The following MET variants were observed in gnomAD, a reference collection of about 807,000 sequenced individuals.
MET encodes MET proto-oncogene, receptor tyrosine kinase, also known as hepatocyte growth factor receptor.
Under a neutral mutation model 133.1 loss-of-function variants are expected in MET, and 48 were observed. The observed-to-expected ratio is 0.36, with a 90% CI of 0.29 to 0.46. The LOEUF is 0.46. MET is among the 20% of genes least tolerant of loss of function. The pLI is 1.00. For missense variants in MET, 1,442 were observed against 1,695.9 expected (o/e 0.85, Z 2.63); for synonymous variants, 628 against 616.5 (o/e 1.02, Z -0.28).
intron 11 of MET, among the ~76,000 whole-genome samples, chr7:116,765,070 C>T (rs1045381851): frequency 7.2e-5 from 11 of 151,944 alleles, no homozygotes; most frequent in African/African-American, 1.4e-4. Flanking sequence ...GAGGCCAAGG[C>T]GGGTGAATCA....
chr7:116,766,745 A>G (rs1387742918), intron 11 of MET, among the ~76,000 whole-genome samples: 1 of 152,130 alleles, frequency 6.6e-6, no homozygotes, highest in Admixed American at 6.6e-5. Context: ...AAATATATAT[A>G]TATTCTTTTT....
chr7:116,755,587 T>A, intron 6 of MET, 72 bp downstream of exon 6: 1 of 1,580,882 alleles, frequency 6.3e-7, no homozygotes, highest in Non-Finnish European at 8.7e-7. Flanking sequence ...ATATTTCTTT[T>A]AAAATTGCTC....
intron 1 of MET, among the ~76,000 whole-genome samples, chr7:116,689,211 C>T (rs1397709571): frequency 6.6e-6 from 1 of 152,124 alleles, no homozygotes; most frequent in Non-Finnish European, 1.5e-5. Context: ...CACTTAAAAC[C>T]ACCTGCCAGG....
intron 2 of MET, among the ~76,000 whole-genome samples, chr7:116,704,298 G>T (rs182177565): frequency 6.6e-6 from 1 of 152,210 alleles, no homozygotes; most frequent in East Asian, 1.9e-4. Context: ...ACTAAAATCA[G>T]AGATGTTGGT....
chr7:116,741,073 T>G (rs759884389), intron 5 of MET, 48 bp downstream of exon 5: 30 of 1,604,762 alleles, frequency 1.9e-5, no homozygotes, highest in Non-Finnish European at 2.5e-5. Flanking sequence ...TGGTGTTTTT[T>G]TTTTTTTTTT....
intron 2 of MET, among the ~76,000 whole-genome samples, chr7:116,711,306 C>T (rs980387264): frequency 6.6e-6 from 1 of 152,208 alleles, no homozygotes; most frequent in Non-Finnish European, 1.5e-5. Flanking sequence ...TTTACACAAC[C>T]TTGCTCAGTC....
intron 8 of MET, 113 bp downstream of exon 8, chr7:116,757,887 A>G (rs1794251450): frequency 2.5e-6 from 3 of 1,212,590 alleles, no homozygotes; most frequent in African/African-American, 1.5e-5. Context: ...CAAGATGTTT[A>G]TTTGTTTACT....
intron 2 of MET, among the ~76,000 whole-genome samples, chr7:116,724,612 T>C (rs1329246037): frequency 6.6e-6 from 1 of 152,160 alleles, no homozygotes; most frequent in East Asian, 1.9e-4. Flanking sequence ...TTTGGTCACC[T>C]AAACATCCCA....
In MET at chr7:116,705,120, T is replaced by C. The variant is rs185828988; in HGVS notation, c.1200+4836T>C. 2.2e-3 allele frequency among the ~76,000 whole-genome samples: 329 copies of C among 152,116 alleles called. 4 individuals carry two copies. The highest frequency in any genetic ancestry group is 3.2e-4 in the Non-Finnish European group (22 of 67,948). Reference sequence around the variant, plus strand: ...AGATGCAAACAAGGAATAATAGGAATAGGCAGAAAAATAAACATACAGTGA... The same window carrying C: ...AGATGCAAACAAGGAATAATAGGAACAGGCAGAAAAATAAACATACAGTGA... On this transcript the variant is annotated intron_variant, in intron 2 of 20. Coordinates refer to ENST00000397752, the MANE Select transcript of MET (RefSeq NM_000245.4).
At position 116,777,462 on chromosome 7, in the gene MET, C is replaced by T. The variant is rs748661147; in HGVS notation, c.3333C>T (p.Ser1111=). 1.2e-6 allele frequency: 2 copies of T among 1,613,734 alleles called. No homozygotes were observed. Among genetic ancestry groups the T allele is most frequent in the African/African-American group, 1.3e-5 (1 of 75,008 alleles). ...AGAAAATTCACTGTGCTGTGAAATC[C>T]TTGAACAGTAAGTGGCATTTTATTT... ...DGKKIHCAVK[S]LNRITDIGEV... is the part of the protein sequence containing the mutation. Residue 1111 remains serine, a synonymous_variant, in exon 16 of 21, where the codon TCC becomes TCT. Coordinates refer to ENST00000397752, the MANE Select transcript of MET (RefSeq NM_000245.4).
rs17138971 is a variant in MET at position 116,734,198 on chromosome 7, A to T, written c.1392+2339A>T. 6.6e-3 allele frequency among the ~76,000 whole-genome samples: 1,010 copies of T among 152,302 alleles called. 10 individuals carry two copies. The highest frequency in any genetic ancestry group is 0.022 in the African/African-American group (931 of 41,560). Reference sequence around the variant, plus strand: ...ACTCGTGTTTTAGTAAATACGATGAAGTTTCTGTTACAAAATAGAATGGAC... The same window carrying T: ...ACTCGTGTTTTAGTAAATACGATGATGTTTCTGTTACAAAATAGAATGGAC... On this transcript the variant is annotated intron_variant, in intron 3 of 20. Transcript: ENST00000397752.
At chr7:116,747,819 A>G (rs923808076) in intron 5 of MET, among the ~76,000 whole-genome samples, 1 of 152,236 alleles carries the variant, frequency 6.6e-6, no homozygotes, top group African/African-American at 2.4e-5. Flanking sequence ...TCAGTAGAAT[A>G]TACATTCTTC....
intron 1 of MET, among the ~76,000 whole-genome samples, chr7:116,698,798 T>C (rs974013508): frequency 1.3e-5 from 2 of 152,246 alleles, no homozygotes; most frequent in African/African-American, 4.8e-5. Flanking sequence ...CTAACTTAGT[T>C]ACTGTATCAA....
intron 2 of MET, chr7:116,724,750 C>A (rs146856911): frequency 2.7e-6 from 3 of 1,120,422 alleles, no homozygotes; most frequent in Non-Finnish European, 3.6e-6. Context: ...GAAATCAATT[C>A]GCTCAACCTC....
At chr7:116,754,937 AAG>A (rs1562919559) in intron 5 of MET, among the ~76,000 whole-genome samples, 1 of 137,154 alleles carries the variant, frequency 7.3e-6, no homozygotes, top group African/African-American at 2.5e-5. Context: ...GAAAGAAAGA[AAG>A]AAAGAAAGAA....
At chr7:116,793,145 C>T (rs923774410) in intron 19 of MET, among the ~76,000 whole-genome samples, 24 of 151,958 alleles carry the variant, frequency 1.6e-4, no homozygotes, top group African/African-American at 4.6e-4. Flanking sequence ...AGAACTCAGC[C>T]ATGTCCCATT....
At chr7:116,720,229 T>C (rs1309183570) in intron 2 of MET, among the ~76,000 whole-genome samples, 2 of 145,176 alleles carry the variant, frequency 1.4e-5, no homozygotes, top group African/African-American at 5.1e-5. Flanking sequence ...TCCTAGGTAT[T>C]TTATTCTCTT....
chr7:116,698,284 T>C (rs1000920418), intron 1 of MET, among the ~76,000 whole-genome samples: 2 of 152,230 alleles, frequency 1.3e-5, no homozygotes, highest in African/African-American at 4.8e-5. Context: ...GTTAAAATAA[T>C]GTTCTTTTTA....
intron 2 of MET, among the ~76,000 whole-genome samples, chr7:116,705,922 GGCACACCCTTGGGGT>G (rs1791771611): frequency 6.6e-6 from 1 of 151,800 alleles, no homozygotes; most frequent in Admixed American, 6.6e-5. Context: ...GAGATCACTG[GGCACACCCTTGGGGT>G]GTTAGAAAAC....
Sources: gnomAD v4.1 joint callset for allele counts (sites outside exome capture counted in the v4.1 genomes callset) on GRCh38, gnomAD v4.1.1 for gene constraint, MANE v1.5 for transcripts, NCBI Gene and HGNC (gene_info 2026-07-23, HGNC 2026-07-21) for gene names.